Variants in RFWD3 observed in about 807,000 individuals in gnomAD.
The protein encoded by RFWD3 is E3 ubiquitin-protein ligase RFWD3.
Under a neutral mutation model 87.7 loss-of-function variants are expected in RFWD3, and 65 were observed. The observed-to-expected ratio is 0.74, with a 90% CI of 0.61 to 0.91. The LOEUF (loss-of-function observed/expected upper bound fraction) is 0.91, where lower values mean the gene tolerates loss of function less well. Ranked by LOEUF, RFWD3 falls within the 40% of genes least tolerant of loss-of-function variation. The pLI, the probability that RFWD3 is intolerant of heterozygous loss-of-function variation, is 0.00. For missense variants in RFWD3, 1,078 were observed against 938.5 expected, an observed-to-expected ratio of 1.15 and a Z score of -1.94; for synonymous variants, 433 against 352.8, an observed-to-expected ratio of 1.23 and a Z score of -2.55.
At chr16:74,628,032 C>A (rs1958987634) in intron 11 of RFWD3, among the ~76,000 whole-genome samples, 1 of 152,226 alleles carries the variant, frequency 6.6e-6, no homozygotes, top group African/African-American at 2.4e-5. Flanking sequence ...CACACAGCCA[C>A]TGTTGTCCAT....
At position 74,644,523 on chromosome 16, in the gene RFWD3, C is replaced by A; in HGVS notation, c.987+18G>T. 2 of 1,614,134 alleles carry A rather than the reference C, an allele frequency of 1.2e-6. No individual in the cohort carries two copies. Among genetic ancestry groups the A allele is most frequent in the Non-Finnish European group, 1.7e-6 (2 of 1,179,976 alleles). ...GCCTGACTTAACATGTTAATGTGTCCTTACCTATGGTCCTTACCTGGGGAC... is the reference window on the plus strand; with the variant it reads ...GCCTGACTTAACATGTTAATGTGTCATTACCTATGGTCCTTACCTGGGGAC... On this transcript the variant is annotated intron_variant, in intron 5 of 12. Coordinates refer to ENST00000361070, the MANE Select transcript of RFWD3 (RefSeq NM_018124.4).
chr16:74,622,936 AG>A lies in RFWD3; in HGVS notation c.*991del, dbSNP rs1958810878. 6.6e-6 allele frequency: 1 copy of A among 152,238 alleles called. No individual in the cohort carries two copies. Among genetic ancestry groups the A allele is most frequent in the Admixed American group, 6.5e-5 (1 of 15,276 alleles). 9.4% of individuals were successfully genotyped at this position (152,238 alleles called of 1,614,324 possible). On this transcript the variant is annotated 3_prime_UTR_variant, in exon 13 of 13. Coordinates refer to ENST00000361070, the MANE Select transcript of RFWD3 (RefSeq NM_018124.4). ...TCTGAGGAATTGGCTTTATTTAGAT[AG>A]GAACTCTCAAAATGGGAGACAAGTT...
Position 74,625,972 on chromosome 16 carries a change from G to A in RFWD3, c.2181+371C>T, listed in dbSNP as rs527903276. Among the ~76,000 whole-genome samples, 11 of 152,288 alleles carry A rather than the reference G, an allele frequency of 7.2e-5. No homozygotes were observed. In the South Asian group the frequency reaches 1.7e-3, roughly 23 times the overall value. ...AGGCCAAGGCCGGCAGATCACTTGAGGTCAGGAGTTCCAGACCAGCCTGGC... is the reference window on the plus strand; with the variant it reads ...AGGCCAAGGCCGGCAGATCACTTGAAGTCAGGAGTTCCAGACCAGCCTGGC... On this transcript the variant is annotated intron_variant, in intron 12 of 12. Transcript: ENST00000361070.
At chr16:74,665,956 C>T (rs1417246625) in intron 1 of RFWD3, among the ~76,000 whole-genome samples, 1 of 152,030 alleles carries the variant, frequency 6.6e-6, no homozygotes, top group Non-Finnish European at 1.5e-5. Context: ...CCTCGGCCTC[C>T]CAAAGTGCTG....
At chr16:74,660,675 C>T in intron 2 of RFWD3, 1 of 395,330 alleles carries the variant, frequency 2.5e-6, no homozygotes, top group Non-Finnish European at 4.5e-6. Flanking sequence ...GTGTACAAGA[C>T]ACAATCTGAA....
Position 74,639,127 on chromosome 16 carries a change from C to G in RFWD3, c.1080-1157G>C, listed in dbSNP as rs141461191. On this transcript the variant is annotated intron_variant, in intron 6 of 12. Coordinates refer to ENST00000361070, the MANE Select transcript of RFWD3 (RefSeq NM_018124.4). ...GATCCAGGCTCACGGCTACCTCCGCCCCCCGGGTTCAAGAGATTTCTTGCC... is the reference window on the plus strand; with the variant it reads ...GATCCAGGCTCACGGCTACCTCCGCGCCCCGGGTTCAAGAGATTTCTTGCC... 7.8e-3 allele frequency among the ~76,000 whole-genome samples: 1,186 copies of G among 151,918 alleles called. 30 individuals are homozygous for G. Among genetic ancestry groups the G allele is most frequent in the African/African-American group, 0.027 (1,123 of 41,402 alleles).
intron 6 of RFWD3, among the ~76,000 whole-genome samples, chr16:74,643,698 C>G (rs531412304): frequency 3.8e-5 from 4 of 105,194 alleles, no homozygotes; most frequent in African/African-American, 1.6e-4. Flanking sequence ...TTTTTTGAGA[C>G]GGAGTCTTGC....
chr16:74,660,224 C>A (rs539233394), intron 2 of RFWD3, among the ~76,000 whole-genome samples: 11 of 151,790 alleles, frequency 7.2e-5, no homozygotes, highest in South Asian at 6.2e-4. Context: ...GAGCGGAGAT[C>A]GCACCACTGC....
intron 8 of RFWD3, 108 bp from the exon 9 acceptor site, chr16:74,632,781 CT>C: frequency 1.0e-6 from 1 of 980,690 alleles, no homozygotes; most frequent in African/African-American, 1.6e-5. Context: ...CGTATAAGTC[CT>C]TGGGAACCAG....
intron 6 of RFWD3, among the ~76,000 whole-genome samples, chr16:74,639,635 A>G (rs142695331): frequency 6.6e-6 from 1 of 152,368 alleles, no homozygotes; most frequent in African/African-American, 2.4e-5. Context: ...TGCAATTTCA[A>G]TCAAGATCCC....
intron 4 of RFWD3, among the ~76,000 whole-genome samples, chr16:74,645,884 C>T (rs530402561): frequency 2.0e-5 from 3 of 150,256 alleles, no homozygotes; most frequent in Non-Finnish European, 4.4e-5. Flanking sequence ...TCCTGAGTAG[C>T]TGGGACTACA....
chr16:74,649,376 A>G, intron 3 of RFWD3, 174 bp from the exon 4 acceptor site: 1 of 465,538 alleles, frequency 2.1e-6, no homozygotes, highest in Middle Eastern at 6.0e-4. Flanking sequence ...ATTTATTTTT[A>G]AAAATTTAGT....
chr16:74,649,094 T>C (rs370237434), intron 4 of RFWD3, 38 bp downstream of exon 4: 23 of 1,379,752 alleles, frequency 1.7e-5, no homozygotes, highest in Non-Finnish European at 2.1e-5. Context: ...AATAAATAAA[T>C]AAATAAATAG....
intron 3 of RFWD3, among the ~76,000 whole-genome samples, chr16:74,649,913 T>A (rs1015064133): frequency 6.6e-6 from 1 of 152,168 alleles, no homozygotes; most frequent in Non-Finnish European, 1.5e-5. Flanking sequence ...TTCATGAAAT[T>A]AACTTTTATA....
intron 12 of RFWD3, 38 bp from the exon 13 acceptor site, chr16:74,624,109 T>C (rs372580730): frequency 6.2e-7 from 1 of 1,603,192 alleles, no homozygotes; most frequent in Non-Finnish European, 8.5e-7. Context: ...CAGGAGTCAG[T>C]CAGTACACGA....
In RFWD3 at chr16:74,623,897, G is replaced by T. The variant is rs553449862; in HGVS notation, c.*31C>A. ...GGCGCTAGCAAACAACATCTAACCA[G>T]CAGCATGCCTTCAAGGTTTCGAGAC... On this transcript the variant is annotated 3_prime_UTR_variant, in exon 13 of 13. Coordinates refer to ENST00000361070, the MANE Select transcript of RFWD3 (RefSeq NM_018124.4). 1 of 1,612,088 alleles carries T rather than the reference G, an allele frequency of 6.2e-7. No individual in the cohort carries two copies. The highest frequency in any genetic ancestry group is 1.1e-5 in the South Asian group (1 of 90,874).
At position 74,666,845 on chromosome 16, in the gene RFWD3, G is replaced by GCCGAAGACTCGGTAGTTACCTCT. The variant is rs56890104; in HGVS notation, c.-63_-62insAGAGGTAACTACCGAGTCTTCGG. ...CCGCCGAAGACTCGGTAGTTACCTC[G>GCCGAAGACTCGGTAGTTACCTCT]GCCGCACTCCGAATGCACCTACGCC... On this transcript the variant is annotated 5_prime_UTR_variant, in exon 1 of 13. Transcript: ENST00000361070. 2 of 150,860 alleles carry GCCGAAGACTCGGTAGTTACCTCT rather than the reference G, an allele frequency of 1.3e-5. No individual in the cohort carries two copies. Among genetic ancestry groups the GCCGAAGACTCGGTAGTTACCTCT allele is most frequent in the African/African-American group, 4.9e-5 (2 of 41,052 alleles). The allele number at this position is 150,860 out of a possible 1,614,324, so 9.3% of individuals were successfully genotyped here.
At position 74,661,213 on chromosome 16, in the gene RFWD3, G is replaced by A; in HGVS notation, c.237C>T (p.Asp79=). ...CTCCCAAGACCTCCACTTCTGTCAG[G>A]TCAACAGACAGTTGCGGAGCAGGCT... ...LLQPAPQLSV[D]LTEVEVLGED... The change falls in exon 2 of 13, where the codon GAC becomes GAT. Residue 79 remains aspartate, a synonymous_variant. Coordinates refer to ENST00000361070, the MANE Select transcript of RFWD3 (RefSeq NM_018124.4). 3 of 1,614,198 alleles carry A rather than the reference G, an allele frequency of 1.9e-6. No individual in the cohort carries two copies. Among genetic ancestry groups the A allele is most frequent in the African/African-American group, 2.7e-5 (2 of 75,054 alleles).
chr16:74,664,502 G>A (rs1295577695), intron 1 of RFWD3: 1 of 152,168 alleles, frequency 6.6e-6, no homozygotes, highest in Non-Finnish European at 1.5e-5. Context: ...TATAATCCCA[G>A]CACTTTGGGA....
Sources: allele counts gnomAD v4.1 joint callset (sites outside exome capture counted in the v4.1 genomes callset), GRCh38; gene constraint gnomAD v4.1.1; transcripts MANE v1.5; gene names NCBI Gene and HGNC (gene_info 2026-07-23, HGNC 2026-07-21).